Variants in SCAMP2 observed in about 807,000 individuals in gnomAD.
SCAMP2 encodes the protein secretory carrier-associated membrane protein 2.
Under a neutral mutation model 44.1 loss-of-function variants are expected in SCAMP2, and 25 were observed. The ratio of observed to expected loss-of-function variants is 0.57; its 90% CI spans 0.41 to 0.79. SCAMP2 has a LOEUF of 0.79. SCAMP2 is among the 30% of genes least tolerant of loss of function. SCAMP2 has a pLI of 0.00. For synonymous variants in SCAMP2, 156 were observed against 166.0 expected, an observed-to-expected ratio of 0.94 and a Z score of 0.46; for missense variants, 355 against 411.0, an observed-to-expected ratio of 0.86 and a Z score of 1.18.
chr15:74,854,800 C>G, intron 1 of SCAMP2, 151 bp from the exon 2 acceptor site: 3 of 661,202 alleles, frequency 4.5e-6, no homozygotes, highest in Non-Finnish European at 8.0e-6. Flanking sequence ...GTGCCTGCCT[C>G]TGCCACACCA....
intron 1 of SCAMP2, among the ~76,000 whole-genome samples, chr15:74,865,873 C>T (rs2064539370): frequency 6.8e-6 from 1 of 147,106 alleles, no homozygotes; most frequent in African/African-American, 2.5e-5. Flanking sequence ...ATTTCTGGAG[C>T]CTAGGAGATT....
Position 74,850,609 on chromosome 15 carries a change from G to A in SCAMP2, c.537C>T (p.Ser179=), listed in dbSNP as rs1451308245. The A allele has an allele frequency of 1.2e-6, 2 of 1,614,142 alleles. No individual in the cohort carries two copies. The highest frequency in any genetic ancestry group is 1.7e-6 in the Non-Finnish European group (2 of 1,180,010). The change falls in exon 6 of 9, where the codon TCC becomes TCT. Residue 179 remains serine, a synonymous_variant. Coordinates refer to ENST00000268099, the MANE Select transcript of SCAMP2 (RefSeq NM_005697.5). ...TGGAGAGGCCAAAGTCCACTCCCTT[G>A]GAGCTGTTGCCCGAGAACCAGGCCA... ...ACLAWFSGNS[S]KGVDFGLSIL...
rs34231883 is a variant in SCAMP2 at position 74,847,086 on chromosome 15, A to ATTTTTTTTTTTTTTTTTTTTTT, written c.734+1492_735-1494dup. ...AAACCCATACACCTATTGTCAGTTAATTTTTTTTTTTTTTTTTTTTTTTGA... is the reference window on the plus strand; with the variant it reads ...AAACCCATACACCTATTGTCAGTTAATTTTTTTTTTTTTTTTTTTTTTTTTTTTTTTTTTTTTTTTTTTTTGA... On this transcript the variant is annotated intron_variant, in intron 7 of 8. Transcript: ENST00000268099. 4.6e-5 allele frequency among the ~76,000 whole-genome samples: 5 copies of ATTTTTTTTTTTTTTTTTTTTTT among 109,280 alleles called. 1 individual carries two copies. The highest frequency in any genetic ancestry group is 1.8e-5 in the Non-Finnish European group (1 of 56,228). The allele number at this position is 109,280 out of a possible 152,430, so 71.7% of individuals were successfully genotyped here.
rs2064452712 is a variant in SCAMP2 at position 74,854,073 on chromosome 15, G to A, written c.173C>T (p.Ser58Leu). 1.9e-6 allele frequency: 3 copies of A among 1,614,116 alleles called. No individual in the cohort carries two copies. The highest frequency in any genetic ancestry group is 2.5e-6 in the Non-Finnish European group (3 of 1,180,040). Residue 58 changes from serine to leucine, a missense_variant, in exon 3 of 9, where the codon TCA becomes TTA. By Grantham distance (145) the Ser-to-Leu change is moderately radical. Transcript: ENST00000268099. ...TGATGGCTGGAGAACCGCTGGCTGT[G>A]AGGACCCAGGGAGTTGGGTGACAGG... ...TVPVTQLPGS[S>L]QPAVLQPSVE...
At chr15:74,854,670 C>T (rs1567251439) in intron 1 of SCAMP2, 21 bp from the exon 2 acceptor site, 1 of 1,598,526 alleles carries the variant, frequency 6.3e-7, no homozygotes, top group Non-Finnish European at 8.5e-7. Context: ...GAAAAAAAGC[C>T]CTTAGACACA....
chr15:74,846,989 T>C (rs1475771134), intron 7 of SCAMP2, among the ~76,000 whole-genome samples: 2 of 151,774 alleles, frequency 1.3e-5, no homozygotes, highest in East Asian at 3.9e-4. Flanking sequence ...GTCACTAAAA[T>C]AGTGTAGGAC....
chr15:74,851,858 G>A (rs2141172810), intron 4 of SCAMP2: 1 of 466,662 alleles, frequency 2.1e-6, no homozygotes, highest in Non-Finnish European at 3.8e-6. Flanking sequence ...CTAGGAAGGA[G>A]TGCAGAAGTA....
At position 74,861,925 on chromosome 15, in the gene SCAMP2, GAAAGA is replaced by G. The variant is rs1183860169; in HGVS notation, c.58-7281_58-7277del. Among the ~76,000 whole-genome samples the G allele has an allele frequency of 5.8e-5, 8 of 137,624 alleles. No homozygotes were observed. In the East Asian group the frequency reaches 6.5e-4, roughly 11 times the overall value. The allele number at this position is 137,624 out of a possible 152,430, so 90.3% of individuals were successfully genotyped here. A position where few individuals can be genotyped will look rare whatever the true frequency, so the allele number is the denominator to read the frequency against. On this transcript the variant is annotated intron_variant, in intron 1 of 8. Coordinates refer to ENST00000268099, the MANE Select transcript of SCAMP2 (RefSeq NM_005697.5). ...CAAAAAAAAAAAAAAAAAAAAGAAA[GAAAGA>G]AAAGAAAAGAAAAGGCTTTGTTACA...
At chr15:74,860,117 AAAAT>A (rs755591118) in intron 1 of SCAMP2, among the ~76,000 whole-genome samples, 30 of 152,206 alleles carry the variant, frequency 2.0e-4, no homozygotes, top group Non-Finnish European at 4.3e-4. Flanking sequence ...GTAAAAATAA[AAAAT>A]AAGTTTAGGC....
chr15:74,851,284 G>C (rs750959663), intron 5 of SCAMP2, 69 bp downstream of exon 5: 52 of 1,565,766 alleles, frequency 3.3e-5, no homozygotes, highest in Non-Finnish European at 4.5e-5. Context: ...GGAGCAGCCA[G>C]GACCAAGATG....
At chr15:74,851,031 C>T (rs1265730038) in intron 5 of SCAMP2, among the ~76,000 whole-genome samples, 1 of 152,186 alleles carries the variant, frequency 6.6e-6, no homozygotes, top group Non-Finnish European at 1.5e-5. Context: ...TCCTTCCTCA[C>T]CCCTCAGAGT....
At chr15:74,867,821 T>C (rs1264473069) in intron 1 of SCAMP2, among the ~76,000 whole-genome samples, 3 of 152,248 alleles carry the variant, frequency 2.0e-5, no homozygotes, top group Non-Finnish European at 4.4e-5. Context: ...TTACAAACAC[T>C]GAAAGGTTTT....
At chr15:74,855,869 G>A (rs142382753) in intron 1 of SCAMP2, among the ~76,000 whole-genome samples, 100 of 152,164 alleles carry the variant, frequency 6.6e-4, no homozygotes, top group African/African-American at 2.3e-3. Flanking sequence ...TCTGGGTTTC[G>A]GGGGTTTTTT....
At chr15:74,854,728 G>C (rs867141698) in intron 1 of SCAMP2, 79 bp from the exon 2 acceptor site, 2 of 1,293,676 alleles carry the variant, frequency 1.5e-6, no homozygotes, top group African/African-American at 3.0e-5. Flanking sequence ...GGTGACGCCT[G>C]ACTGAAGCAG....
Position 74,871,801 on chromosome 15 carries a change from T to C in SCAMP2, c.57+1398A>G, listed in dbSNP as rs370464924. On this transcript the variant is annotated intron_variant, in intron 1 of 8. Transcript: ENST00000268099. ...GGCTCACCCCTGTAATCCCAGCACT[T>C]TGGGAGGCTAAGGTGGGTGGATCAC... Among the ~76,000 whole-genome samples, 6 of 149,744 alleles carry C rather than the reference T, an allele frequency of 4.0e-5. No individual in the cohort carries two copies. In the East Asian group the frequency reaches 1.2e-3, roughly 30 times the overall value.
At chr15:74,859,616 CTTT>C (rs386383489) in intron 1 of SCAMP2, among the ~76,000 whole-genome samples, 1 of 132,552 alleles carries the variant, frequency 7.5e-6, no homozygotes. Flanking sequence ...GAAAACCACA[CTTT>C]TTTTTTTTTT....
chr15:74,866,468 C>T (rs918136741), intron 1 of SCAMP2, among the ~76,000 whole-genome samples: 1 of 151,968 alleles, frequency 6.6e-6, no homozygotes, highest in African/African-American at 2.4e-5. Flanking sequence ...CCTAGCATTC[C>T]GGGAGACCGA....
intron 1 of SCAMP2, among the ~76,000 whole-genome samples, chr15:74,870,667 A>G (rs1223893652): frequency 6.6e-6 from 1 of 152,242 alleles, no homozygotes; most frequent in East Asian, 1.9e-4. Flanking sequence ...AAGCTACGAG[A>G]GGAATGTTCA....
intron 5 of SCAMP2, 38 bp downstream of exon 5, chr15:74,851,315 A>G: frequency 6.2e-7 from 1 of 1,606,678 alleles, no homozygotes; most frequent in Admixed American, 1.7e-5. Flanking sequence ...GTCACACCCA[A>G]TTCGCCCTTG....
Sources: allele counts gnomAD v4.1 joint callset (sites outside exome capture counted in the v4.1 genomes callset), GRCh38; gene constraint gnomAD v4.1.1; transcripts MANE v1.5; gene names NCBI Gene and HGNC (gene_info 2026-07-23, HGNC 2026-07-21).